MAGED1: variants seen among roughly 807,000 people sequenced by gnomAD.
The protein encoded by MAGED1 is MAGE family member D1.
MAGED1 carries 3 observed loss-of-function variants against 54.1 expected under a neutral mutation model. The ratio of observed to expected loss-of-function variants is 0.06; its 90% CI spans 0.03 to 0.14. MAGED1 has a LOEUF of 0.14. Among genes scored for constraint, MAGED1 ranks in the 10% least tolerant of loss-of-function variants. The pLI is 1.00. For synonymous variants in MAGED1, 217 were observed against 227.3 expected (o/e 0.95, Z 0.41); for missense variants, 485 against 623.4 (o/e 0.78, Z 2.36).
chrX:51,882,956 G>T (rs1928112399), intron 1 of MAGED1, among the ~76,000 whole-genome samples: 1 of 111,993 alleles, frequency 8.9e-6, no homozygotes, highest in South Asian at 3.7e-4. Context: ...CTCCCAAAGT[G>T]CTGGGATTAC....
At position 51,901,813 on chromosome X, in the gene MAGED1, G is replaced by T. The variant is rs782557815; in HGVS notation, c.2220G>T (p.Gln740His). 26 of 1,211,568 alleles carry T rather than the reference G, an allele frequency of 2.1e-5. No individual in the cohort carries two copies. The highest frequency in any genetic ancestry group is 2.9e-5 in the Non-Finnish European group (26 of 895,494). Residue 740 changes from glutamine to histidine, a missense_variant, in exon 12 of 13, where the codon CAG (glutamine) becomes CAT (histidine). Gln to His is a conservative substitution (Grantham distance 24). Coordinates refer to ENST00000326587, the MANE Select transcript of MAGED1 (RefSeq NM_006986.4). ...TTACCTTCTGGGCCAGATACCACCA[G>T]AATGCCCGCTCCAGATTCCCTCAGA... ...IPFTFWARYHQNARSRFPQTF... is the reference protein window; with the variant it reads ...IPFTFWARYHHNARSRFPQTF...
chrX:51,836,185 G>C (rs1457680470), intron 1 of MAGED1, among the ~76,000 whole-genome samples: 2 of 102,497 alleles, frequency 2.0e-5, no homozygotes, highest in African/African-American at 7.0e-5. Context: ...TTCTTGGTTG[G>C]TTTCAATTTA....
intron 1 of MAGED1, among the ~76,000 whole-genome samples, chrX:51,836,191 A>G (rs1569555612): frequency 1.0e-5 from 1 of 98,564 alleles, no homozygotes; most frequent in East Asian, 3.0e-4. Context: ...GTTGGTTTCA[A>G]TTTATTGATT....
intron 1 of MAGED1, among the ~76,000 whole-genome samples, chrX:51,820,963 C>A (rs1254771573): frequency 8.9e-6 from 1 of 111,845 alleles, no homozygotes; most frequent in African/African-American, 3.3e-5. Context: ...CTATTCTAAT[C>A]TGTACTTCTA....
chrX:51,837,982 A>G (rs1007690416), intron 1 of MAGED1, among the ~76,000 whole-genome samples: 53 of 112,853 alleles, frequency 4.7e-4, no homozygotes, highest in African/African-American at 1.6e-3. Flanking sequence ...ACTATCAACA[A>G]AAGTTACAAA....
Position 51,901,690 on chromosome X carries a change from G to A in MAGED1, c.2097G>A (p.Glu699=). 1 of 1,211,494 alleles carries A rather than the reference G, an allele frequency of 8.3e-7. No individual in the cohort carries two copies. The highest frequency in any genetic ancestry group is 1.1e-6 in the Non-Finnish European group (1 of 895,463). ...GAACCCGCATGGGAATTGGAGATGA[G>A]GCTGTGTCTGGGCCCTGGAGCTGGG... ...EARTRMGIGD[E]AVSGPWSWDD... Residue 699 remains glutamate, a synonymous_variant, in exon 12 of 13, where the codon GAG becomes GAA. Coordinates refer to ENST00000326587, the MANE Select transcript of MAGED1 (RefSeq NM_006986.4).
intron 1 of MAGED1, among the ~76,000 whole-genome samples, chrX:51,841,507 G>C (rs1301592837): frequency 4.5e-5 from 5 of 111,091 alleles, no homozygotes; most frequent in Non-Finnish European, 9.5e-5. Context: ...TGAAGTCCTT[G>C]CCCATGCCTA....
chrX:51,877,694 C>T (rs1927922222), intron 1 of MAGED1, among the ~76,000 whole-genome samples: 1 of 111,289 alleles, frequency 9.0e-6, no homozygotes, highest in Admixed American at 9.6e-5. Context: ...TTTGCAAAGA[C>T]TTTTTAATGT....
chrX:51,863,521 G>A (rs1394753841), intron 1 of MAGED1, among the ~76,000 whole-genome samples: 1 of 111,855 alleles, frequency 8.9e-6, no homozygotes, highest in African/African-American at 3.2e-5. Context: ...TGGATCATAT[G>A]TTCAATTCTT....
chrX:51,852,360 A>C (rs1466522863), intron 1 of MAGED1, among the ~76,000 whole-genome samples: 1 of 112,157 alleles, frequency 8.9e-6, no homozygotes, highest in Admixed American at 9.4e-5. Flanking sequence ...GTAAGGTAAC[A>C]TCTTCACAAG....
At chrX:51,815,667 G>A (rs1033480349) in intron 1 of MAGED1, among the ~76,000 whole-genome samples, 10 of 109,365 alleles carry the variant, frequency 9.1e-5, no homozygotes, top group Non-Finnish European at 1.5e-4. Context: ...GATTTTAGGC[G>A]TGTGCCACCA....
chrX:51,890,941 C>T (rs1342083521), upstream of MAGED1, among the ~76,000 whole-genome samples: 1 of 109,939 alleles, frequency 9.1e-6, no homozygotes, highest in Non-Finnish European at 1.9e-5. Flanking sequence ...TATAAGAATA[C>T]ATGTACAAGT....
chrX:51,836,301 A>AT (rs781889588), intron 1 of MAGED1, among the ~76,000 whole-genome samples: 32 of 109,620 alleles, frequency 2.9e-4, no homozygotes, highest in African/African-American at 1.0e-3. Flanking sequence ...GATGCTAGAT[A>AT]TTTTTATATA....
Position 51,895,314 on chromosome X carries a change from G to A in MAGED1, c.307G>A (p.Val103Met), listed in dbSNP as rs141080853. 5.3e-4 allele frequency: 642 copies of A among 1,209,678 alleles called. 1 individual carries two copies. Among genetic ancestry groups the A allele is most frequent in the Non-Finnish European group, 6.9e-4 (614 of 894,953 alleles). ...DFSQAHNAKD[V>M]PNTQPKAAFK... ...CTCTCAGGCTCATAATGCCAAGGAT[G>A]TGCCCAACACGCAGCCCAAGGCAGC... The change falls in exon 3 of 13, where the codon GTG (valine) becomes ATG (methionine). Residue 103 changes from valine (V) to methionine (M), a missense_variant. Val to Met is a conservative substitution (Grantham distance 21). This residue lies in a region of MAGED1 where 299 missense variants were observed against 293.1 expected (regional missense o/e 1.02). Coordinates refer to ENST00000326587, the MANE Select transcript of MAGED1 (RefSeq NM_006986.4).
chrX:51,880,029 A>C lies in MAGED1; in HGVS notation c.-36-14240A>C, dbSNP rs782538982. The stretch of plus-strand genomic sequence containing the variant: ...CTTCTGGCTAAGGCCAGAGAGGACA[A>C]GACTACAAAATAGAATTGTCTGCGT... On this transcript the variant is annotated intron_variant, in intron 1 of 12. Coordinates refer to the MAGED1 transcript ENST00000375772. Among the ~76,000 whole-genome samples, 405 of 112,943 alleles carry C rather than the reference A, an allele frequency of 3.6e-3. 1 individual carries two copies. Among genetic ancestry groups the C allele is most frequent in the Non-Finnish European group, 6.7e-3 (356 of 53,385 alleles).
intron 1 of MAGED1, among the ~76,000 whole-genome samples, chrX:51,807,402 G>A (rs782135985): frequency 2.4e-4 from 26 of 110,385 alleles, no homozygotes; most frequent in Non-Finnish European, 3.8e-4. Context: ...GTCTCTTCAT[G>A]GTGTCTTTTG....
Position 51,822,706 on chromosome X carries a change from T to C in MAGED1, c.-37+19589T>C, listed in dbSNP as rs141398109. On this transcript the variant is annotated intron_variant, in intron 1 of 12. Transcript: ENST00000375772. ...CTCAGTCATGGTGTGGAGTTCTTTT[T>C]ATACGTGTCTGAATTTGGTTTGCTA... is the stretch of plus-strand genomic sequence containing the variant. 5.7e-3 allele frequency among the ~76,000 whole-genome samples: 634 copies of C among 111,316 alleles called. 2 individuals carry two copies. Among genetic ancestry groups the C allele is most frequent in the Non-Finnish European group, 9.9e-3 (524 of 52,910 alleles).
At chrX:51,842,274 G>A (rs1926524753) in intron 1 of MAGED1, among the ~76,000 whole-genome samples, 1 of 111,792 alleles carries the variant, frequency 8.9e-6, no homozygotes, top group South Asian at 3.7e-4. Flanking sequence ...AAGAGTTTCC[G>A]GTTTGTTGGT....
intron 1 of MAGED1, among the ~76,000 whole-genome samples, chrX:51,860,436 G>A (rs1927238343): frequency 9.0e-6 from 1 of 111,543 alleles, no homozygotes; most frequent in African/African-American, 3.3e-5. Context: ...TCACTGACTA[G>A]ATATAGGGGG....
Sources: allele counts gnomAD v4.1 joint callset (sites outside exome capture counted in the v4.1 genomes callset), GRCh38; gene constraint gnomAD v4.1.1; regional missense constraint gnomAD v4.1.1; transcripts MANE v1.5; gene names NCBI Gene and HGNC (gene_info 2026-07-23, HGNC 2026-07-21).